Variants in RALGDS observed in about 807,000 individuals in gnomAD.
RALGDS encodes ral guanine nucleotide dissociation stimulator.
In RALGDS, 44 loss-of-function variants were observed where a neutral mutation model predicts 99.8. The observed-to-expected ratio is 0.44, with a 90% CI of 0.35 to 0.57. The LOEUF (loss-of-function observed/expected upper bound fraction) is 0.57. Ranked by LOEUF, RALGDS falls within the 20% of genes least tolerant of loss-of-function variation. RALGDS has a pLI of 0.01. For missense variants in RALGDS, 1,022 were observed against 1,203.1 expected (o/e 0.85, Z 2.23); for synonymous variants, 529 against 505.0 (o/e 1.05, Z -0.64).
At chr9:133,102,989 C>T (rs1385787639) in intron 12 of RALGDS, 89 bp from the exon 13 acceptor site, 4 of 1,562,828 alleles carry the variant, frequency 2.6e-6, no homozygotes, top group Non-Finnish European at 3.5e-6. Flanking sequence ...GGGGTCCCTT[C>T]CTCCCCTCTA....
Position 133,121,212 on chromosome 9 carries a change from G to A in RALGDS, c.-58C>T. 1 of 987,774 alleles carries A rather than the reference G, an allele frequency of 1.0e-6. No individual in the cohort carries two copies. The highest frequency in any genetic ancestry group is 1.8e-5 in the African/African-American group (1 of 56,770). The allele number at this position is 987,774 out of a possible 1,614,324, so 61.2% of individuals were successfully genotyped here. ...CGGCGCGCGGCGGGGGCGGCGGCGC[G>A]GCCCGCGCGGCTGGGCTTTGCCACC... On this transcript the variant is annotated 5_prime_UTR_variant, in exon 1 of 18. Coordinates refer to ENST00000372050, the MANE Select transcript of RALGDS (RefSeq NM_006266.4).
chr9:133,114,406 T>C (rs1831494125), intron 1 of RALGDS, among the ~76,000 whole-genome samples: 1 of 152,156 alleles, frequency 6.6e-6, no homozygotes, highest in South Asian at 2.1e-4. Flanking sequence ...AGAGCTGCCC[T>C]GGGGTCTGGG....
rs1436408500 is a variant in RALGDS at position 133,101,778 on chromosome 9, A to C, written c.2212-16T>G. On this transcript the variant is annotated splice_polypyrimidine_tract_variant and intron_variant, in intron 15 of 17. Transcript: ENST00000372050. Reference sequence around the variant, plus strand: ...ATTCCCAGAACTGAGGGAGACGGTAAGATCAGCAGATCCCACTGCCCTGTG... The same window carrying C: ...ATTCCCAGAACTGAGGGAGACGGTACGATCAGCAGATCCCACTGCCCTGTG... 1.9e-6 allele frequency: 3 copies of C among 1,587,624 alleles called. No homozygotes were observed. Among genetic ancestry groups the C allele is most frequent in the South Asian group, 2.3e-5 (2 of 88,398 alleles).
In RALGDS at chr9:133,112,092, G is replaced by T. The variant is rs370391981; in HGVS notation, c.244C>A (p.Arg82Ser). Residue 82 changes from arginine (R) to serine (S), a missense_variant, in exon 2 of 18, where the codon CGC (arginine) becomes AGC (serine). Physicochemically the swap from Arg to Ser is moderately radical, Grantham distance 110 (BLOSUM62 -1). Around this residue, in one of 3 missense-constraint regions of RALGDS, gnomAD observed 180 missense variants for 169.3 expected, o/e 1.06. Transcript: ENST00000372050. ...INGVIYSISL[R>S]KVQLHHGGNK... ...CCTCCGTGGTGCAGCTGCACCTTGC[G>T]CAGGGAGATGGAGTAGATGACTCCG... The T allele has an allele frequency of 6.3e-7, 1 of 1,586,690 alleles. No homozygotes were observed. The highest frequency in any genetic ancestry group is 8.6e-7 in the Non-Finnish European group (1 of 1,165,584).
chr9:133,120,839 A>C, intron 1 of RALGDS, 133 bp downstream of exon 1: 2 of 1,006,744 alleles, frequency 2.0e-6, no homozygotes, highest in Non-Finnish European at 2.7e-6. Flanking sequence ...ACCCCCACCT[A>C]TGGAGGAGAG....
intron 17 of RALGDS, chr9:133,099,151 C>T (rs916029878): frequency 4.1e-6 from 1 of 244,268 alleles, no homozygotes; most frequent in South Asian, 5.6e-5. Context: ...AAGGACAGGC[C>T]TGCCCCAGGG....
intron 1 of RALGDS, 22 bp downstream of exon 1, chr9:133,120,950 C>T (rs1347578706): frequency 2.0e-6 from 3 of 1,474,744 alleles, no homozygotes; most frequent in Admixed American, 4.6e-5. Flanking sequence ...CACCCCCCGC[C>T]CGACCGCCCC....
At chr9:133,148,737 C>T (rs1476787404) in intron 1 of RALGDS, among the ~76,000 whole-genome samples, 4 of 152,226 alleles carry the variant, frequency 2.6e-5, no homozygotes, top group African/African-American at 9.6e-5. Context: ...GGCCGGAACC[C>T]TCCCTTCATC....
chr9:133,125,685 G>A (rs983532141), upstream of RALGDS, among the ~76,000 whole-genome samples: 7 of 152,196 alleles, frequency 4.6e-5, no homozygotes, highest in African/African-American at 1.2e-4. Flanking sequence ...GCAGTGAGCC[G>A]AGATTGCACC....
intron 17 of RALGDS, 143 bp downstream of exon 17, chr9:133,100,125 T>C: frequency 1.3e-6 from 1 of 797,572 alleles, no homozygotes; most frequent in Non-Finnish European, 2.2e-6. Flanking sequence ...AAGCAGACAA[T>C]GGGGGCAGCC....
chr9:133,139,262 T>C (rs1193939949), intron 1 of RALGDS, among the ~76,000 whole-genome samples: 1 of 152,178 alleles, frequency 6.6e-6, no homozygotes, highest in Non-Finnish European at 1.5e-5. Context: ...GCTCCCTGCA[T>C]ATCTGCCAGA....
intron 1 of RALGDS, among the ~76,000 whole-genome samples, chr9:133,129,716 C>A (rs1832274044): frequency 6.6e-6 from 1 of 152,108 alleles, no homozygotes; most frequent in African/African-American, 2.4e-5. Context: ...GGGAGGCAGG[C>A]AGGAGACCCC....
rs1050550534 is a variant in RALGDS, at chr9:133,108,491, C to A, written c.779-85G>T. ...AGAACAGCCCCGGCTTCCAGAGAAG[C>A]CTCTCTCCCCGAACCCACAAAACGT... On this transcript the variant is annotated intron_variant, in intron 5 of 17. Coordinates refer to ENST00000372050, the MANE Select transcript of RALGDS (RefSeq NM_006266.4). 12 of 1,453,422 alleles carry A rather than the reference C, an allele frequency of 8.3e-6. No individual in the cohort carries two copies. The African/African-American group carries it at 9.8e-5, about 12-fold the overall frequency. The allele number at this position is 1,453,422 out of a possible 1,614,324, so 90.0% of individuals were successfully genotyped here.
intron 1 of RALGDS, among the ~76,000 whole-genome samples, chr9:133,142,185 G>A (rs751886743): frequency 1.3e-5 from 2 of 152,182 alleles, no homozygotes; most frequent in Non-Finnish European, 2.9e-5. Context: ...GTGTCCCTCA[G>A]GAAGGATCCA....
chr9:133,129,167 G>T (rs1262259150), intron 1 of RALGDS: 2 of 1,596,424 alleles, frequency 1.3e-6, no homozygotes, highest in African/African-American at 2.7e-5. Context: ...TGGCAGAGGT[G>T]CCAGCCAAGG....
chr9:133,132,624 C>T (rs935955192), upstream of RALGDS, among the ~76,000 whole-genome samples: 6 of 152,002 alleles, frequency 3.9e-5, no homozygotes, highest in African/African-American at 9.7e-5. Flanking sequence ...TGGAAAGAAG[C>T]GCTCAACTTT....
At chr9:133,145,960 A>G (rs1246433754) in intron 1 of RALGDS, among the ~76,000 whole-genome samples, 2 of 152,170 alleles carry the variant, frequency 1.3e-5, no homozygotes, top group African/African-American at 4.8e-5. Context: ...AACTGTGAGG[A>G]AAGAAACTTC....
rs747828890 is a variant in RALGDS at position 133,108,690 on chromosome 9, A to T, written c.761T>A (p.Ile254Asn). 6.2e-7 allele frequency: 1 copy of T among 1,613,486 alleles called. No individual in the cohort carries two copies. The highest frequency in any genetic ancestry group is 1.7e-5 in the Admixed American group (1 of 60,008). Reference protein sequence around the residue: ...LLAQLEHSEPIEAEPEALSPV... With the variant: ...LLAQLEHSEPNEAEPEALSPV... ...CTCCTCACCCTCAGGCTCTGCCTCAATGGGTTCCGAGTGCTCCAGCTGGGC... is the reference window on the plus strand; with the variant it reads ...CTCCTCACCCTCAGGCTCTGCCTCATTGGGTTCCGAGTGCTCCAGCTGGGC... The change falls in exon 5 of 18, where the codon ATT becomes AAT. Residue 254 changes from isoleucine (I) to asparagine (N), a missense_variant. This residue lies in a region of RALGDS where 825 missense variants were observed against 994.5 expected (regional missense o/e 0.83). Coordinates refer to ENST00000372050, the MANE Select transcript of RALGDS (RefSeq NM_006266.4).
intron 1 of RALGDS, among the ~76,000 whole-genome samples, chr9:133,136,122 G>A (rs1191941322): frequency 6.6e-6 from 1 of 152,156 alleles, no homozygotes; most frequent in African/African-American, 2.4e-5. Flanking sequence ...CACTATTCAA[G>A]TGCCAGCGAT....
Sources: allele counts gnomAD v4.1 joint callset (sites outside exome capture counted in the v4.1 genomes callset), GRCh38; gene constraint gnomAD v4.1.1; regional missense constraint gnomAD v4.1.1; transcripts MANE v1.5; gene names NCBI Gene and HGNC (gene_info 2026-07-23, HGNC 2026-07-21).